CPT1C: variants seen among roughly 807,000 people sequenced by gnomAD.
CPT1C encodes carnitine palmitoyltransferase 1C.
A neutral mutation model predicts 97.3 loss-of-function variants in CPT1C; 61 were observed. The observed-to-expected ratio is 0.63, with a 90% CI of 0.51 to 0.78. CPT1C has a LOEUF of 0.78. Among genes scored for constraint, CPT1C ranks in the 30% least tolerant of loss-of-function variants. The pLI is 0.00. For synonymous variants in CPT1C, 469 were observed against 447.2 expected, an observed-to-expected ratio of 1.05 and a Z score of -0.61; for missense variants, 975 against 1,065.5, an observed-to-expected ratio of 0.92 and a Z score of 1.18.
Position 49,708,720 on chromosome 19 carries a change from C to T in CPT1C, c.1450-3C>T. On this transcript the variant is annotated splice_region_variant and splice_polypyrimidine_tract_variant and intron_variant, in intron 13 of 19. Coordinates refer to ENST00000598293, the MANE Select transcript of CPT1C (RefSeq NM_001199753.2). Reference sequence around the variant, plus strand: ...GACTCTAACAGCCTCTGTTTGCCCACAGTTCACTCTGGCTACAGAATGCTT... The same window carrying T: ...GACTCTAACAGCCTCTGTTTGCCCATAGTTCACTCTGGCTACAGAATGCTT... 1 of 1,609,926 alleles carries T rather than the reference C, an allele frequency of 6.2e-7. No individual in the cohort carries two copies. The highest frequency in any genetic ancestry group is 8.5e-7 in the Non-Finnish European group (1 of 1,176,220).
intron 3 of CPT1C, 23 bp from the exon 4 acceptor site, chr19:49,697,303 T>G: frequency 6.2e-7 from 1 of 1,613,478 alleles, no homozygotes; most frequent in Non-Finnish European, 8.5e-7. Context: ...GATGATTCAA[T>G]GGATGCCCTT....
intron 7 of CPT1C, 165 bp from the exon 8 acceptor site, chr19:49,704,545 A>T: frequency 1.6e-6 from 1 of 629,988 alleles, no homozygotes. Flanking sequence ...CTGATCCCCC[A>T]TGGATGGATT....
At chr19:49,711,986 A>C in intron 17 of CPT1C, 25 bp downstream of exon 17, 1 of 1,608,202 alleles carries the variant, frequency 6.2e-7, no homozygotes, top group Non-Finnish European at 8.5e-7. Flanking sequence ...AAAGGGTTAG[A>C]GAGGGAAGTG....
intron 3 of CPT1C, among the ~76,000 whole-genome samples, chr19:49,693,900 T>TAA (rs1555774538): frequency 2.0e-5 from 3 of 151,650 alleles, no homozygotes; most frequent in Non-Finnish European, 2.9e-5. Flanking sequence ...CTACTAAAAA[T>TAA]ACACACACAC....
chr19:49,710,475 C>T lies in CPT1C; in HGVS notation c.1722C>T (p.Ala574=). The change falls in exon 15 of 20, where the codon GCC becomes GCT. Residue 574 remains alanine (A), a synonymous_variant. Transcript: ENST00000598293. ...TCATCCAGATCGCCTTGCAACTGGC[C>T]CACTTCCGGGTCAGTTGGGTTCCCC... ...DSFIQIALQL[A]HFRDRGQFCL... is the part of the protein sequence containing the mutation. 2 of 1,614,170 alleles carry T rather than the reference C, an allele frequency of 1.2e-6. No homozygotes were observed. The highest frequency in any genetic ancestry group is 1.7e-6 in the Non-Finnish European group (2 of 1,180,044).
rs374381740 is a variant in CPT1C at position 49,710,403 on chromosome 19, A to G, written c.1650A>G (p.Leu550=). The part of the protein sequence containing the change: ...NVDCHVVPFS[L]FGKSFIRRCH... ...ACTGCCATGTCGTTCCATTCTCCCT[A>G]TTTGGCAAGAGCTTCATCCGACGCT... is the stretch of plus-strand genomic sequence containing the variant. Residue 550 remains leucine, a synonymous_variant, in exon 15 of 20, where the codon CTA becomes CTG. Coordinates refer to ENST00000598293, the MANE Select transcript of CPT1C (RefSeq NM_001199753.2). 1.5e-5 allele frequency: 25 copies of G among 1,613,742 alleles called. No homozygotes were observed. In the African/African-American group the frequency reaches 2.0e-4, roughly 13 times the overall value.
intron 7 of CPT1C, among the ~76,000 whole-genome samples, chr19:49,702,007 A>ATTTATTTATAAATAAAT: frequency 2.4e-5 from 1 of 42,206 alleles, no homozygotes; most frequent in South Asian, 7.9e-4. Flanking sequence ...AAATATATTA[A>ATTTATTTATAAATAAAT]ATATATTTAT....
intron 17 of CPT1C, chr19:49,712,472 T>A: frequency 2.1e-6 from 1 of 469,776 alleles, no homozygotes; most frequent in Non-Finnish European, 3.8e-6. Context: ...GGGGAGAGGG[T>A]CAGTGGGGTG....
intron 7 of CPT1C, among the ~76,000 whole-genome samples, chr19:49,703,099 A>T (rs954721827): frequency 7.5e-6 from 1 of 133,800 alleles, no homozygotes; most frequent in Non-Finnish European, 1.6e-5. Flanking sequence ...ACACACACAC[A>T]CTCATTTCTT....
Position 49,711,849 on chromosome 19 carries a change from A to G in CPT1C, c.1907A>G (p.Lys636Arg). The G allele has an allele frequency of 6.2e-7, 1 of 1,613,902 alleles. No homozygotes were observed. Among genetic ancestry groups the G allele is most frequent in the South Asian group, 1.1e-5 (1 of 91,090 alleles). Residue 636 changes from lysine to arginine, a missense_variant, in exon 17 of 20, where the codon AAG (lysine) becomes AGG (arginine). By Grantham distance (26) the Lys-to-Arg change is conservative (BLOSUM62 2). This residue lies in a region of CPT1C where 344 missense variants were observed against 395.7 expected (regional missense o/e 0.87). Transcript: ENST00000598293. ...CLALFRVAVD[K>R]HQALLKAAMS... ...GCCCTGTTCCGCGTGGCAGTGGACA[A>G]GCACCAGGCTCTGCTGAAGGCAGCC...
chr19:49,712,989 T>C lies in CPT1C; in HGVS notation c.2151T>C (p.Tyr717=). 4 of 1,614,022 alleles carry C rather than the reference T, an allele frequency of 2.5e-6. No individual in the cohort carries two copies. Among genetic ancestry groups the C allele is most frequent in the Non-Finnish European group, 3.4e-6 (4 of 1,179,928 alleles). Residue 717 remains tyrosine, a synonymous_variant, in exon 19 of 20, where the codon TAT becomes TAC. Coordinates refer to ENST00000598293, the MANE Select transcript of CPT1C (RefSeq NM_001199753.2). ...GGFGPADDHG[Y]GVSYIFMGDG... ...GTCTCCAGGCTGATGACCATGGTTA[T>C]GGTGTTTCTTATATCTTCATGGGGG...
chr19:49,692,657 C>A, intron 3 of CPT1C, among the ~76,000 whole-genome samples: 1 of 152,176 alleles, frequency 6.6e-6, no homozygotes, highest in East Asian at 1.9e-4. Context: ...CTACCCACTT[C>A]CAGTTTCTAG....
intron 4 of CPT1C, among the ~76,000 whole-genome samples, chr19:49,698,705 G>A (rs1294235936): frequency 6.6e-6 from 1 of 151,784 alleles, no homozygotes; most frequent in Non-Finnish European, 1.5e-5. Context: ...CTCTAGTCAT[G>A]TAGTCTTAGG....
chr19:49,701,594 A>T lies in CPT1C; in HGVS notation c.653A>T (p.Gln218Leu). 6.2e-7 allele frequency: 1 copy of T among 1,611,434 alleles called. No homozygotes were observed. Among genetic ancestry groups the T allele is most frequent in the African/African-American group, 1.3e-5 (1 of 74,734 alleles). ...CTGAGGCTGCAGGCGTCGCTGCTGC[A>T]GTGGTACCTGCGGCTCAAGTCCTGG... ...EFLRLQASLL[Q>L]WYLRLKSWWA... The change falls in exon 7 of 20, where the codon CAG becomes CTG. Residue 218 changes from glutamine to leucine, a missense_variant. This residue lies in a region of CPT1C where 596 missense variants were observed against 603.1 expected (regional missense o/e 0.99). Transcript: ENST00000598293.
rs990004275 is a variant in CPT1C, at chr19:49,706,791, G to T, written c.1343+378G>T. Among the ~76,000 whole-genome samples the T allele has an allele frequency of 6.6e-6, 1 of 152,068 alleles. No individual in the cohort carries two copies. Among genetic ancestry groups the T allele is most frequent in the African/African-American group, 2.4e-5 (1 of 41,406 alleles). ...CCCAGACTTGGCAACCTCAGCCTCA[G>T]AACTTGAACCATTCAATCCTCAGGC... is the stretch of plus-strand genomic sequence containing the variant. On this transcript the variant is annotated intron_variant, in intron 12 of 19. Transcript: ENST00000598293. The surrounding 1 kb of genome is among the most constrained non-coding windows in gnomAD (Gnocchi z 4.8).
At chr19:49,710,508 GCC>G in intron 15 of CPT1C, 24 bp downstream of exon 15, 1 of 1,613,900 alleles carries the variant, frequency 6.2e-7, no homozygotes, top group Non-Finnish European at 8.5e-7. Context: ...CCCATCCACA[GCC>G]CCCGCAGGGT....
chr19:49,693,507 G>A (rs2082467523), intron 3 of CPT1C, among the ~76,000 whole-genome samples: 1 of 152,128 alleles, frequency 6.6e-6, no homozygotes, highest in Admixed American at 6.6e-5. Context: ...TCTATGTCCT[G>A]GCCCATGGCG....
At position 49,700,733 on chromosome 19, in the gene CPT1C, G is replaced by T; in HGVS notation, c.331G>T (p.Ala111Ser). 6.2e-7 allele frequency: 1 copy of T among 1,612,496 alleles called. No individual in the cohort carries two copies. The highest frequency in any genetic ancestry group is 1.1e-5 in the South Asian group (1 of 91,080). The stretch of plus-strand genomic sequence containing the variant: ...GGGGGTCCTGGCAGCCGCGCTGTTT[G>T]CCTCGTGTTTGTGGGGAGCCCTGAT... ...LRGVLAAALF[A>S]SCLWGALIFT... is the part of the protein sequence containing the mutation. The change falls in exon 5 of 20, where the codon GCC (alanine) becomes TCC (serine). Residue 111 changes from alanine to serine, a missense_variant. This residue lies in a region of CPT1C where 596 missense variants were observed against 603.1 expected (regional missense o/e 0.99). Coordinates refer to ENST00000598293, the MANE Select transcript of CPT1C (RefSeq NM_001199753.2).
At chr19:49,712,099 T>C in intron 17 of CPT1C, 138 bp downstream of exon 17, 1 of 1,088,036 alleles carries the variant, frequency 9.2e-7, no homozygotes. Context: ...TCCCAGCAGT[T>C]TGGGAAGCCG....
Sources: gnomAD v4.1 joint callset for allele counts (sites outside exome capture counted in the v4.1 genomes callset) on GRCh38, gnomAD v4.1.1 for gene constraint, gnomAD v4.1.1 regional missense constraint, Gnocchi (gnomAD v3.1) non-coding constraint, MANE v1.5 for transcripts, NCBI Gene and HGNC (gene_info 2026-07-23, HGNC 2026-07-21) for gene names.